RAB27A: variants seen among roughly 807,000 people sequenced by gnomAD.
RAB27A encodes RAB27A, member RAS oncogene family.
RAB27A carries 17 observed loss-of-function variants against 20.8 expected under a neutral mutation model. That is an observed-to-expected ratio of 0.82 (90% CI 0.56 to 1.23). RAB27A has a LOEUF of 1.23. Among genes scored for constraint, RAB27A ranks in the 50% most tolerant of loss-of-function variants. The probability of loss-of-function intolerance (pLI) is 0.00; values close to 1 mark genes in which losing one functional copy is unlikely to be tolerated. For missense variants in RAB27A, 277 were observed against 266.7 expected, an observed-to-expected ratio of 1.04 and a Z score of -0.27; for synonymous variants, 85 against 92.8, an observed-to-expected ratio of 0.92 and a Z score of 0.48.
At chr15:55,218,638 A>G (rs1338465800) in intron 6 of RAB27A, among the ~76,000 whole-genome samples, 2 of 152,202 alleles carry the variant, frequency 1.3e-5, no homozygotes, top group African/African-American at 4.8e-5. Context: ...CCTCAGCAAT[A>G]ACCAGCAGCC....
At chr15:55,227,370 G>A (rs1394941694) in intron 5 of RAB27A, among the ~76,000 whole-genome samples, 1 of 152,174 alleles carries the variant, frequency 6.6e-6, no homozygotes, top group Non-Finnish European at 1.5e-5. Flanking sequence ...ATGCAAAGGA[G>A]GGATGATGAA....
At chr15:55,233,382 A>G (rs551301732) in intron 3 of RAB27A, among the ~76,000 whole-genome samples, 1 of 152,154 alleles carries the variant, frequency 6.6e-6, no homozygotes, top group Non-Finnish European at 1.5e-5. Context: ...AACATATAAC[A>G]AAAAAGGGAA....
intron 2 of RAB27A, among the ~76,000 whole-genome samples, chr15:55,312,241 AAAC>A (rs1343428345): frequency 1.7e-4 from 26 of 152,312 alleles, no homozygotes; most frequent in Middle Eastern, 3.4e-3. Flanking sequence ...CGACAGCGGC[AAAC>A]AACAGGGGTG....
intron 3 of RAB27A, among the ~76,000 whole-genome samples, chr15:55,231,759 T>C (rs1169419502): frequency 6.6e-6 from 1 of 152,140 alleles, no homozygotes; most frequent in Admixed American, 6.6e-5. Flanking sequence ...TGCCCCAGCT[T>C]TGTCTTTCTT....
At chr15:55,221,364 C>T (rs771471402) in intron 6 of RAB27A, among the ~76,000 whole-genome samples, 2 of 152,144 alleles carry the variant, frequency 1.3e-5, no homozygotes, top group African/African-American at 4.8e-5. Flanking sequence ...CACTTACTTC[C>T]TCCTTACCCA....
At chr15:55,313,669 T>A (rs1005931283) in intron 2 of RAB27A, among the ~76,000 whole-genome samples, 4 of 151,920 alleles carry the variant, frequency 2.6e-5, no homozygotes, top group African/African-American at 9.7e-5. Flanking sequence ...AGGTCAGGAG[T>A]TGAAGAGCAG....
chr15:55,227,333 TA>T (rs1295219946), intron 5 of RAB27A, among the ~76,000 whole-genome samples: 1 of 152,034 alleles, frequency 6.6e-6, no homozygotes, highest in Non-Finnish European at 1.5e-5. Flanking sequence ...TAGTTGATTT[TA>T]AAAAGCCCCA....
At chr15:55,307,430 C>T (rs1001736050) in intron 2 of RAB27A, among the ~76,000 whole-genome samples, 3 of 151,898 alleles carry the variant, frequency 2.0e-5, no homozygotes, top group African/African-American at 7.3e-5. Context: ...GTTTAGATGT[C>T]GTTTGAGTGT....
intron 2 of RAB27A, among the ~76,000 whole-genome samples, chr15:55,304,270 TC>T (rs2054988276): frequency 1.3e-5 from 2 of 150,772 alleles, no homozygotes. Flanking sequence ...GGCAGCATGC[TC>T]GTTAAGAGTC....
chr15:55,291,053 T>C (rs184563156), upstream of RAB27A, among the ~76,000 whole-genome samples: 12 of 152,338 alleles, frequency 7.9e-5, no homozygotes, highest in East Asian at 1.7e-3. Context: ...GGATGAACCA[T>C]ATGAAATTAC....
chr15:55,307,725 G>A lies in RAB27A; in HGVS notation c.-112+6314C>T, dbSNP rs144969247. ...GAAATCCCTGTGATTTTGGCATGTG[G>A]ATAAAATCTAGTTGCCAGTCTTCTC... On this transcript the variant is annotated intron_variant, in intron 2 of 5. Coordinates refer to the RAB27A transcript ENST00000563262. Among the ~76,000 whole-genome samples, 14 of 150,462 alleles carry A rather than the reference G, an allele frequency of 9.3e-5. No individual in the cohort carries two copies. The East Asian group carries it at 2.7e-3, about 29-fold the overall frequency.
intron 6 of RAB27A, among the ~76,000 whole-genome samples, chr15:55,213,069 G>C (rs561920827): frequency 1.5e-3 from 221 of 152,314 alleles, no homozygotes; most frequent in African/African-American, 5.0e-3. Flanking sequence ...TGATAACATT[G>C]TATTTCCTTC....
intron 2 of RAB27A, among the ~76,000 whole-genome samples, chr15:55,260,561 A>T (rs1374712444): frequency 6.6e-6 from 1 of 152,252 alleles, no homozygotes; most frequent in East Asian, 1.9e-4. Context: ...AGATGAATGG[A>T]TAAATAAACT....
intron 2 of RAB27A, among the ~76,000 whole-genome samples, chr15:55,295,018 T>C (rs2054942656): frequency 6.6e-6 from 1 of 152,144 alleles, no homozygotes; most frequent in South Asian, 2.1e-4. Context: ...AATTAAAAAG[T>C]GGGCATATGA....
chr15:55,220,652 A>G (rs1895527941), intron 6 of RAB27A, among the ~76,000 whole-genome samples: 1 of 152,222 alleles, frequency 6.6e-6, no homozygotes, highest in African/African-American at 2.4e-5. Flanking sequence ...CAACATACAA[A>G]TTATATGAAG....
chr15:55,319,015 T>C, exon 1 of RAB27A: 1 of 497,072 alleles, frequency 2.0e-6, no homozygotes, highest in Non-Finnish European at 3.5e-6. Context: ...CCAGCAGTTT[T>C]CGGACCCCCG....
chr15:55,255,778 G>A (rs1235790013), intron 2 of RAB27A, among the ~76,000 whole-genome samples: 1 of 152,154 alleles, frequency 6.6e-6, no homozygotes, highest in African/African-American at 2.4e-5. Flanking sequence ...ATTAGGGTGA[G>A]GTGGAATGAT....
intron 2 of RAB27A, chr15:55,238,138 C>A (rs1159575838): frequency 6.6e-6 from 1 of 152,124 alleles, no homozygotes; most frequent in East Asian, 1.9e-4. Context: ...CAGATTGTAT[C>A]TTTAAGACAA....
chr15:55,277,039 A>G (rs981550112), intron 1 of RAB27A, among the ~76,000 whole-genome samples: 1 of 152,208 alleles, frequency 6.6e-6, no homozygotes, highest in African/African-American at 2.4e-5. Context: ...AGGGGAAGGA[A>G]AGAATGAACA....
Sources: allele counts gnomAD v4.1 joint callset (sites outside exome capture counted in the v4.1 genomes callset), GRCh38; gene constraint gnomAD v4.1.1; transcripts MANE v1.5; gene names NCBI Gene and HGNC (gene_info 2026-07-23, HGNC 2026-07-21).